The following PCDHGA2 variants were observed in gnomAD, a reference collection of about 807,000 sequenced individuals.
PCDHGA2 encodes protocadherin gamma subfamily A, 2.
PCDHGA2 carries 40 observed loss-of-function variants against 59.2 expected under a neutral mutation model. The observed-to-expected ratio is 0.68, with a 90% CI of 0.52 to 0.88. The LOEUF (loss-of-function observed/expected upper bound fraction) is 0.88, where lower values mean the gene tolerates loss of function less well. Among genes scored for constraint, PCDHGA2 ranks in the 40% least tolerant of loss-of-function variants. PCDHGA2 has a pLI of 0.00. For missense variants in PCDHGA2, 1,226 were observed against 1,204.0 expected, an observed-to-expected ratio of 1.02 and a Z score of -0.27; for synonymous variants, 560 against 526.0, an observed-to-expected ratio of 1.06 and a Z score of -0.89.
intron 1 of PCDHGA2, chr5:141,404,901 G>A: frequency 6.2e-7 from 1 of 1,613,848 alleles, no homozygotes; most frequent in African/African-American, 1.3e-5. Flanking sequence ...CAGGACCATG[G>A]CCAGCCCCCT....
At chr5:141,404,661 A>G (rs930319561) in intron 1 of PCDHGA2, 1 of 1,614,098 alleles carries the variant, frequency 6.2e-7, no homozygotes. Context: ...CTCCCCACTG[A>G]TGGTTCTACT....
chr5:141,339,008 C>G lies in PCDHGA2; in HGVS notation c.37C>G (p.Leu13Val), dbSNP rs750651648. Residue 13 changes from leucine (L) to valine (V), a missense_variant, in exon 1 of 4, where the codon CTG becomes GTG. Transcript: ENST00000394576. ...GCAAAAGTTGCCACACTGCAGAAAG[C>G]TGGTCCTGCTGTGCTTCCTTTTGGC... ...ALQKLPHCRK[L>V]VLLCFLLATL... 44 of 1,566,636 alleles carry G rather than the reference C, an allele frequency of 2.8e-5. No homozygotes were observed. The highest frequency in any genetic ancestry group is 3.8e-5 in the Non-Finnish European group (44 of 1,154,554).
chr5:141,413,863 G>T, intron 1 of PCDHGA2: 1 of 1,613,356 alleles, frequency 6.2e-7, no homozygotes, highest in Non-Finnish European at 8.5e-7. Flanking sequence ...ATCTGGCACT[G>T]TCCTTGTCAG....
intron 1 of PCDHGA2, among the ~76,000 whole-genome samples, chr5:141,450,233 G>A (rs2098674391): frequency 6.6e-6 from 1 of 152,026 alleles, no homozygotes; most frequent in Non-Finnish European, 1.5e-5. Flanking sequence ...GGCCAGGCTA[G>A]TCTTGAACTC....
chr5:141,423,516 C>T (rs2096749721), intron 1 of PCDHGA2: 1 of 1,613,732 alleles, frequency 6.2e-7, no homozygotes, highest in Non-Finnish European at 8.5e-7. Flanking sequence ...TCATTGCGGA[C>T]TCGCAGAAGA....
intron 1 of PCDHGA2, chr5:141,419,981 AT>A (rs1205154474): frequency 1.2e-6 from 2 of 1,614,052 alleles, no homozygotes; most frequent in Admixed American, 3.3e-5. Flanking sequence ...CCTCGCGGTG[AT>A]TCTAGCTATT....
At chr5:141,366,394 C>T in intron 1 of PCDHGA2, 2 of 1,614,168 alleles carry the variant, frequency 1.2e-6, no homozygotes, top group Non-Finnish European at 1.7e-6. Flanking sequence ...AGGATCTGGA[C>T]CTCACACTCT....
intron 1 of PCDHGA2, chr5:141,393,113 G>C: frequency 6.2e-7 from 1 of 1,613,500 alleles, no homozygotes. Flanking sequence ...CTCAGAGCCC[G>C]CGGTGTCTGA....
intron 1 of PCDHGA2, chr5:141,341,939 T>C (rs1757101063): frequency 1.9e-5 from 3 of 157,396 alleles, no homozygotes; most frequent in South Asian, 3.7e-4. Flanking sequence ...GTTAAAAATA[T>C]GGAAATTTAG....
chr5:141,477,867 C>CGGT lies in PCDHGA2; in HGVS notation c.2425-16940_2425-16939insGGT. On this transcript the variant is annotated intron_variant, in intron 1 of 3. Transcript: ENST00000394576. This position sits in a 1 kb window ranked among gnomAD's most constrained non-coding sequence, Gnocchi z 4.9. ...TCGGTGGAGATGCTGCCTCGAGGTA[C>CGGT]CTCAGCTGGCCACCTAGTGTCACGG... 6.2e-7 allele frequency: 1 copy of CGGT among 1,613,614 alleles called. No homozygotes were observed. Among genetic ancestry groups the CGGT allele is most frequent in the Non-Finnish European group, 8.5e-7 (1 of 1,179,854 alleles).
At chr5:141,385,295 A>C (rs1422997974) in intron 1 of PCDHGA2, 1 of 1,613,146 alleles carries the variant, frequency 6.2e-7, no homozygotes, top group African/African-American at 1.3e-5. Context: ...GATTTTCAGG[A>C]ATGTAAAGAA....
At chr5:141,504,959 T>C (rs1297800554) in intron 2 of PCDHGA2, among the ~76,000 whole-genome samples, 2 of 152,038 alleles carry the variant, frequency 1.3e-5, no homozygotes, top group Non-Finnish European at 2.9e-5. Flanking sequence ...GTTCAATGCA[T>C]TGGACCAGCC....
intron 2 of PCDHGA2, among the ~76,000 whole-genome samples, chr5:141,497,809 G>A (rs1256990692): frequency 1.3e-5 from 2 of 152,190 alleles, no homozygotes. Context: ...CAAAGTGCTA[G>A]AATTACAGGT....
chr5:141,486,170 C>T lies in PCDHGA2; in HGVS notation c.2425-8637C>T, dbSNP rs759946548. The stretch of plus-strand genomic sequence containing the variant: ...TGGGGGTTCTCCAGCCATGGAGCAA[C>T]ATTGCAGCCTTCGAGTGGATCTGCT... On this transcript the variant is annotated intron_variant, in intron 1 of 3. Coordinates refer to ENST00000394576, the MANE Select transcript of PCDHGA2 (RefSeq NM_018915.4). This position sits in a 1 kb window ranked among gnomAD's most constrained non-coding sequence, Gnocchi z 5.0. The T allele has an allele frequency of 1.5e-5, 24 of 1,614,116 alleles. No individual in the cohort carries two copies. Among genetic ancestry groups the T allele is most frequent in the South Asian group, 4.4e-5 (4 of 91,090 alleles).
At chr5:141,369,369 T>G (rs1354774956) in intron 1 of PCDHGA2, among the ~76,000 whole-genome samples, 28 of 152,158 alleles carry the variant, frequency 1.8e-4, no homozygotes, top group Admixed American at 1.8e-3. Flanking sequence ...AAAACATCCT[T>G]TGTAAAAGTT....
At chr5:141,344,136 G>T (rs770958946) in intron 1 of PCDHGA2, 1 of 1,614,060 alleles carries the variant, frequency 6.2e-7, no homozygotes, top group Non-Finnish European at 8.5e-7. Flanking sequence ...CCGCTACTCG[G>T]TGTCTGAGGA....
intron 1 of PCDHGA2, chr5:141,418,665 A>G: frequency 6.2e-7 from 1 of 1,614,070 alleles, no homozygotes; most frequent in Middle Eastern, 1.6e-4. Flanking sequence ...GCCACTGACC[A>G]GGACGAGGGC....
In PCDHGA2 at chr5:141,511,360, T is replaced by C; in HGVS notation, c.*187T>C. The C allele has an allele frequency of 7.5e-7, 1 of 1,333,050 alleles. No individual in the cohort carries two copies. Among genetic ancestry groups the C allele is most frequent in the Non-Finnish European group, 1.0e-6 (1 of 994,882 alleles). 82.6% of individuals were successfully genotyped at this position (1,333,050 alleles called of 1,614,324 possible). On this transcript the variant is annotated 3_prime_UTR_variant, in exon 4 of 4. Transcript: ENST00000394576. ...ACCTACCCCTTCCCCCCCAGGGGGT[T>C]GAATATGCAAAAGCAGTTCCGCTGG...
intron 1 of PCDHGA2, chr5:141,420,396 A>C: frequency 8.0e-7 from 1 of 1,250,930 alleles, no homozygotes; most frequent in Non-Finnish European, 1.1e-6. Context: ...ATATAGGTCA[A>C]ATTTATGGTT....
Sources: allele counts gnomAD v4.1 joint callset (sites outside exome capture counted in the v4.1 genomes callset), GRCh38; gene constraint gnomAD v4.1.1; non-coding constraint Gnocchi (gnomAD v3.1); transcripts MANE v1.5; gene names NCBI Gene and HGNC (gene_info 2026-07-23, HGNC 2026-07-21).